Variants in TRPS1 observed in about 807,000 individuals in gnomAD.
TRPS1 encodes zinc finger transcription factor Trps1.
In TRPS1, 6 loss-of-function variants were observed where a neutral mutation model predicts 101.2. The ratio of observed to expected loss-of-function variants is 0.06; its 90% CI spans 0.03 to 0.12. TRPS1 has a LOEUF of 0.12. Ranked by LOEUF, TRPS1 falls within the 10% of genes least tolerant of loss-of-function variation. TRPS1 has a pLI of 1.00. For missense variants in TRPS1, 1,363 were observed against 1,567.0 expected, an observed-to-expected ratio of 0.87 and a Z score of 2.20; for synonymous variants, 578 against 589.8, an observed-to-expected ratio of 0.98 and a Z score of 0.29.
intron 5 of TRPS1, among the ~76,000 whole-genome samples, chr8:115,530,728 C>T (rs1304177842): frequency 2.0e-5 from 3 of 152,116 alleles, no homozygotes; most frequent in Non-Finnish European, 4.4e-5. Flanking sequence ...GGCACATATA[C>T]ACCATGGAAT....
intron 1 of TRPS1, among the ~76,000 whole-genome samples, chr8:115,666,227 G>A (rs1222062075): frequency 2.6e-5 from 4 of 151,786 alleles, no homozygotes; most frequent in Non-Finnish European, 5.9e-5. Context: ...GAAACTCTAA[G>A]AATATGTTTG....
intron 5 of TRPS1, among the ~76,000 whole-genome samples, chr8:115,582,831 T>C (rs1388740367): frequency 1.3e-5 from 2 of 152,200 alleles, no homozygotes; most frequent in Non-Finnish European, 2.9e-5. Flanking sequence ...CAAGGAGATT[T>C]ATCTTTCCTC....
chr8:115,620,127 G>A, intron 2 of TRPS1, 67 bp from the exon 3 acceptor site: 1 of 1,506,888 alleles, frequency 6.6e-7, no homozygotes, highest in Non-Finnish European at 9.1e-7. Flanking sequence ...AGTTGAATCT[G>A]GAATATTTTA....
chr8:115,660,713 G>T (rs577961623), intron 1 of TRPS1, among the ~76,000 whole-genome samples: 17 of 151,774 alleles, frequency 1.1e-4, no homozygotes, highest in African/African-American at 3.6e-4. Flanking sequence ...TAAATCATTT[G>T]TTTATTCATG....
At chr8:115,594,961 T>G (rs975677179) in intron 4 of TRPS1, among the ~76,000 whole-genome samples, 1 of 151,940 alleles carries the variant, frequency 6.6e-6, no homozygotes, top group African/African-American at 2.4e-5. Context: ...GATAATAGCA[T>G]GTTACTTTCA....
Position 115,460,148 on chromosome 8 carries a change from CAT to C in TRPS1, c.2701-41698_2701-41697del, listed in dbSNP as rs1256004327. Among the ~76,000 whole-genome samples, 22 of 152,190 alleles carry C rather than the reference CAT, an allele frequency of 1.4e-4. 1 individual carries two copies. Among genetic ancestry groups the C allele is most frequent in the Admixed American group, 1.3e-3 (20 of 15,276 alleles). Reference sequence around the variant, plus strand: ...TCAAGTGCCAAAATAGTGACTTACACATAGTGTTCAATAAATGTTCAGTATAT... The same window carrying C: ...TCAAGTGCCAAAATAGTGACTTACACAGTGTTCAATAAATGTTCAGTATAT... On this transcript the variant is annotated intron_variant, in intron 5 of 6. Transcript: ENST00000395715.
At chr8:115,433,288 A>C (rs1382633184) in intron 5 of TRPS1, among the ~76,000 whole-genome samples, 1 of 152,062 alleles carries the variant, frequency 6.6e-6, no homozygotes, top group Non-Finnish European at 1.5e-5. Context: ...TTTGAAAAAA[A>C]ACATAAATCA....
chr8:115,435,998 T>TCACACACACA (rs4027183), intron 5 of TRPS1, among the ~76,000 whole-genome samples: 1,526 of 134,050 alleles, frequency 0.011, 17 homozygotes, highest in Non-Finnish European at 0.013. Context: ...AAATGAGAAA[T>TCACACACACA]CACACACACA....
chr8:115,535,223 CAT>C (rs1198465428), intron 5 of TRPS1, among the ~76,000 whole-genome samples: 6,394 of 85,230 alleles, frequency 0.075, 665 homozygotes, highest in African/African-American at 0.31. Flanking sequence ...GCATATATAG[CAT>C]ATATATATAG....
At chr8:115,586,937 G>C (rs1264678630) in intron 5 of TRPS1, 64 bp downstream of exon 5, 7 of 1,605,412 alleles carry the variant, frequency 4.4e-6, no homozygotes, top group African/African-American at 2.7e-5. Flanking sequence ...TGTAGAGAAA[G>C]AATGTGTGTT....
intron 5 of TRPS1, among the ~76,000 whole-genome samples, chr8:115,477,130 A>C (rs1308921143): frequency 1.3e-5 from 2 of 152,230 alleles, no homozygotes; most frequent in Non-Finnish European, 2.9e-5. Flanking sequence ...GAATGAATTA[A>C]GTGAGAAATG....
intron 5 of TRPS1, among the ~76,000 whole-genome samples, chr8:115,491,007 G>A (rs1705897661): frequency 6.6e-6 from 1 of 152,128 alleles, no homozygotes; most frequent in South Asian, 2.1e-4. Context: ...CATATATTCT[G>A]AATTGTGATT....
At chr8:115,596,981 C>T (rs1586440821) in intron 4 of TRPS1, among the ~76,000 whole-genome samples, 1 of 151,858 alleles carries the variant, frequency 6.6e-6, no homozygotes. Context: ...TTATTAAATT[C>T]ACTACTGTAA....
chr8:115,618,295 T>A lies in TRPS1; in HGVS notation c.966+837A>T, dbSNP rs188350290. On this transcript the variant is annotated intron_variant, in intron 3 of 6. Transcript: ENST00000395715. The stretch of plus-strand genomic sequence containing the variant: ...TCTCAAGCTGACCATGAATTTTGAC[T>A]ATGCTAAAATTACTAAAATTAAATG... Among the ~76,000 whole-genome samples, 101 of 152,316 alleles carry A rather than the reference T, an allele frequency of 6.6e-4. 2 individuals carry two copies.
In TRPS1 at chr8:115,411,993, G is replaced by A. The variant is rs1812800650; in HGVS notation, c.*2030C>T. ...CAAAACAATGATACAAAGCAACTGC[G>A]AATTAATGTAAAAATGGAGTGCAAA... is the stretch of plus-strand genomic sequence containing the variant. On this transcript the variant is annotated 3_prime_UTR_variant, in exon 7 of 7. Transcript: ENST00000395715. The A allele has an allele frequency of 6.6e-6, 1 of 150,656 alleles. No homozygotes were observed. The highest frequency in any genetic ancestry group is 2.5e-5 in the African/African-American group (1 of 40,526). The allele number at this position is 150,656 out of a possible 1,614,324, so 9.3% of individuals were successfully genotyped here.
At chr8:115,584,298 C>T (rs755930513) in intron 5 of TRPS1, among the ~76,000 whole-genome samples, 2 of 151,788 alleles carry the variant, frequency 1.3e-5, no homozygotes, top group South Asian at 4.2e-4. Flanking sequence ...AATATACTTG[C>T]TCTATTAATG....
intron 3 of TRPS1, among the ~76,000 whole-genome samples, chr8:115,616,627 ATTC>A (rs1818282437): frequency 6.6e-6 from 1 of 152,126 alleles, no homozygotes; most frequent in Non-Finnish European, 1.5e-5. Context: ...GGATTAATGA[ATTC>A]TTCATCTATT....
At chr8:115,433,228 A>C (rs1281681294) in intron 5 of TRPS1, among the ~76,000 whole-genome samples, 1 of 152,036 alleles carries the variant, frequency 6.6e-6, no homozygotes, top group Non-Finnish European at 1.5e-5. Context: ...TACCCATTGG[A>C]AACTGCAAAA....
In TRPS1 at chr8:115,619,445, A is replaced by G. The variant is rs745591682; in HGVS notation, c.653T>C (p.Leu218Pro). 6 of 1,614,090 alleles carry G rather than the reference A, an allele frequency of 3.7e-6. No individual in the cohort carries two copies. The African/African-American group carries it at 4.0e-5, about 11-fold the overall frequency. Residue 218 changes from leucine (L) to proline (P), a missense_variant, in exon 3 of 7, where the codon CTG becomes CCG. Physicochemically the swap from Leu to Pro is moderately conservative, Grantham distance 98. Transcript: ENST00000395715. ...VRLNKSKTDL[L>P]VNDNPDPAPL... ...TGCCGGGTCTGGGTTGTCATTCACC[A>G]GTAAGTCAGTTTTGGATTTATTCAG... is the stretch of plus-strand genomic sequence containing the variant.
Sources: gnomAD v4.1 joint callset for allele counts (sites outside exome capture counted in the v4.1 genomes callset) on GRCh38, gnomAD v4.1.1 for gene constraint, MANE v1.5 for transcripts, NCBI Gene and HGNC (gene_info 2026-07-23, HGNC 2026-07-21) for gene names.